The following ARHGAP15 variants were observed in gnomAD, a reference collection of about 807,000 sequenced individuals.
ARHGAP15 encodes Rho GTPase activating protein 15, also known as rho GTPase-activating protein 15.
Under a neutral mutation model 63.7 loss-of-function variants are expected in ARHGAP15, and 51 were observed. That is an observed-to-expected ratio of 0.80 (90% confidence interval 0.64 to 1.01). The LOEUF (loss-of-function observed/expected upper bound fraction) is 1.01, where lower values mean the gene tolerates loss of function less well. Ranked by LOEUF, ARHGAP15 falls within the 50% of genes least tolerant of loss-of-function variation. ARHGAP15 has a pLI of 0.00. For missense variants in ARHGAP15, 560 were observed against 564.6 expected (o/e 0.99, Z 0.08); for synonymous variants, 191 against 193.8 (o/e 0.99, Z 0.12).
intron 12 of ARHGAP15, among the ~76,000 whole-genome samples, chr2:143,630,959 T>C (rs1699042618): frequency 6.6e-6 from 1 of 151,966 alleles, no homozygotes; most frequent in Non-Finnish European, 1.5e-5. Context: ...TCTTAATCCT[T>C]GACAATTCTC....
At chr2:143,726,665 C>G (rs1005754782) in intron 13 of ARHGAP15, among the ~76,000 whole-genome samples, 11 of 152,180 alleles carry the variant, frequency 7.2e-5, no homozygotes, top group African/African-American at 2.7e-4. Flanking sequence ...CCTGTGACGG[C>G]TAGAACAGGG....
intron 1 of ARHGAP15, 27 bp from the exon 2 acceptor site, chr2:143,155,450 A>G (rs373655238): frequency 6.6e-6 from 10 of 1,523,738 alleles, no homozygotes; most frequent in Non-Finnish European, 7.9e-6. Context: ...TGTTTAGAAT[A>G]ACATAATACA....
intron 6 of ARHGAP15, among the ~76,000 whole-genome samples, chr2:143,332,334 T>TA (rs1489394218): frequency 2.0e-5 from 3 of 152,154 alleles, no homozygotes; most frequent in Admixed American, 2.0e-4. Context: ...GATGGTGAGA[T>TA]ATAACTGCCT....
intron 6 of ARHGAP15, among the ~76,000 whole-genome samples, chr2:143,317,505 G>A (rs866876319): frequency 6.6e-6 from 1 of 152,240 alleles, no homozygotes; most frequent in African/African-American, 2.4e-5. Flanking sequence ...CTTGTTTTGA[G>A]AAGTAGGTGA....
At chr2:143,587,796 A>G (rs1324682175) in intron 11 of ARHGAP15, 2 of 467,466 alleles carry the variant, frequency 4.3e-6, no homozygotes, top group Non-Finnish European at 4.4e-6. Flanking sequence ...GCAAGCCAAT[A>G]ATTTGTCACT....
intron 6 of ARHGAP15, among the ~76,000 whole-genome samples, chr2:143,431,219 C>G: frequency 6.6e-6 from 1 of 151,992 alleles, no homozygotes; most frequent in East Asian, 1.9e-4. Context: ...TTTTCCTGTT[C>G]AAACACACAG....
At chr2:143,554,620 A>G (rs867910734) in intron 10 of ARHGAP15, among the ~76,000 whole-genome samples, 1 of 152,084 alleles carries the variant, frequency 6.6e-6, no homozygotes, top group Non-Finnish European at 1.5e-5. Flanking sequence ...ACCAAACAGC[A>G]TCTAATGACA....
chr2:143,470,414 G>A (rs919205195), intron 8 of ARHGAP15, among the ~76,000 whole-genome samples: 18 of 151,442 alleles, frequency 1.2e-4, no homozygotes, highest in African/African-American at 4.1e-4. Context: ...TAAAACATTA[G>A]GTGGTTTATT....
intron 6 of ARHGAP15, among the ~76,000 whole-genome samples, chr2:143,322,532 C>A (rs1345923615): frequency 6.6e-6 from 1 of 152,034 alleles, no homozygotes; most frequent in Non-Finnish European, 1.5e-5. Flanking sequence ...AATGTAATAA[C>A]AACAAAAGGG....
chr2:143,201,595 G>A (rs1353795838), intron 2 of ARHGAP15, among the ~76,000 whole-genome samples: 1 of 152,084 alleles, frequency 6.6e-6, no homozygotes, highest in African/African-American at 2.4e-5. Context: ...GGGAAGGATA[G>A]AGGACTTCTT....
At chr2:143,302,610 G>GA (rs1374313471) in intron 6 of ARHGAP15, among the ~76,000 whole-genome samples, 1 of 151,958 alleles carries the variant, frequency 6.6e-6, no homozygotes. Context: ...AGCAGAAGGA[G>GA]ATCAAGCATT....
At chr2:143,162,483 C>G (rs1690338074) in intron 2 of ARHGAP15, 1 of 152,018 alleles carries the variant, frequency 6.6e-6, no homozygotes, top group Non-Finnish European at 1.5e-5. Flanking sequence ...GCTTCTGCAA[C>G]AGCATGGAAA....
chr2:143,142,108 C>T (rs1027899306), intron 1 of ARHGAP15, among the ~76,000 whole-genome samples: 9 of 152,090 alleles, frequency 5.9e-5, no homozygotes, highest in South Asian at 2.1e-4. Flanking sequence ...AAGTAACAAC[C>T]CTCATTTTTC....
intron 6 of ARHGAP15, among the ~76,000 whole-genome samples, chr2:143,362,811 T>C (rs1686121544): frequency 6.6e-6 from 1 of 152,144 alleles, no homozygotes; most frequent in Non-Finnish European, 1.5e-5. Context: ...CACTGTGACC[T>C]CTCAGCCCTG....
At chr2:143,273,043 T>C (rs1681371431) in intron 6 of ARHGAP15, among the ~76,000 whole-genome samples, 1 of 132,282 alleles carries the variant, frequency 7.6e-6, no homozygotes, top group Non-Finnish European at 1.6e-5. Context: ...TGCCAGTTTA[T>C]AATTTCATTG....
intron 2 of ARHGAP15, among the ~76,000 whole-genome samples, chr2:143,176,536 T>A (rs955908196): frequency 6.6e-6 from 1 of 152,152 alleles, no homozygotes; most frequent in Admixed American, 6.5e-5. Flanking sequence ...GTCTTCTCTG[T>A]CATTTAATAT....
At chr2:143,242,712 A>T (rs951604263) in intron 5 of ARHGAP15, among the ~76,000 whole-genome samples, 3 of 152,182 alleles carry the variant, frequency 2.0e-5, no homozygotes, top group African/African-American at 4.8e-5. Context: ...CATAAAACCC[A>T]CATCTTATAA....
At chr2:143,556,240 C>T (rs1695792710) in intron 10 of ARHGAP15, among the ~76,000 whole-genome samples, 168 bp from the exon 11 acceptor site, 1 of 152,020 alleles carries the variant, frequency 6.6e-6, no homozygotes, top group Non-Finnish European at 1.5e-5. Flanking sequence ...GACTGAACAC[C>T]ATGATTACTT....
intron 2 of ARHGAP15, among the ~76,000 whole-genome samples, chr2:143,158,299 C>T (rs1011128796): frequency 1.3e-5 from 2 of 151,776 alleles, no homozygotes; most frequent in African/African-American, 2.4e-5. Flanking sequence ...CTGTATATGT[C>T]GTAAAAGCTT....
Sources: allele counts gnomAD v4.1 joint callset (sites outside exome capture counted in the v4.1 genomes callset), GRCh38; gene constraint gnomAD v4.1.1; transcripts MANE v1.5; gene names NCBI Gene and HGNC (gene_info 2026-07-23, HGNC 2026-07-21).